MAD1L1: variants seen among roughly 807,000 people sequenced by gnomAD.
The protein encoded by MAD1L1 is mitotic spindle assembly checkpoint protein MAD1.
MAD1L1 carries 95 observed loss-of-function variants against 96.9 expected under a neutral mutation model. The ratio of observed to expected loss-of-function variants is 0.98; its 90% CI spans 0.83 to 1.16. MAD1L1 has a LOEUF of 1.16. MAD1L1 is among the 50% of genes most tolerant of loss of function. The pLI, the probability that MAD1L1 is intolerant of heterozygous loss-of-function variation, is 0.00. For synonymous variants in MAD1L1, 473 were observed against 396.6 expected (o/e 1.19, Z -2.29); for missense variants, 1,007 against 954.4 (o/e 1.06, Z -0.73).
At position 2,037,818 on chromosome 7, in the gene MAD1L1, G is replaced by C. The variant is rs574018277; in HGVS notation, c.1219-23176C>G. Among the ~76,000 whole-genome samples the C allele has an allele frequency of 4.0e-3, 615 of 152,172 alleles. 6 individuals are homozygous for C. The highest frequency in any genetic ancestry group is 0.014 in the African/African-American group (582 of 41,524). Reference sequence around the variant, plus strand: ...TCTCTATTCCCTGGGCGACACAACAGTATTAAAATCAGGCCAATTAATAAC... The same window carrying C: ...TCTCTATTCCCTGGGCGACACAACACTATTAAAATCAGGCCAATTAATAAC... On this transcript the variant is annotated intron_variant, in intron 12 of 18. Transcript: ENST00000265854.
chr7:2,123,969 C>G (rs902597910), intron 11 of MAD1L1, among the ~76,000 whole-genome samples: 1 of 152,178 alleles, frequency 6.6e-6, no homozygotes, highest in East Asian at 1.9e-4. Context: ...CAGCAAGGGG[C>G]GGGGGCTTAG....
At chr7:2,216,768 C>T (rs1244500148) in intron 7 of MAD1L1, among the ~76,000 whole-genome samples, 2 of 152,110 alleles carry the variant, frequency 1.3e-5, no homozygotes, top group Non-Finnish European at 2.9e-5. Context: ...CTAGAAAATA[C>T]CATCCATTAA....
intron 18 of MAD1L1, among the ~76,000 whole-genome samples, chr7:1,871,546 C>G (rs181189179): frequency 0.011 from 1,635 of 149,664 alleles, 44 homozygotes; most frequent in East Asian, 0.1. Flanking sequence ...CAACATATGC[C>G]TGCCACGCTG....
chr7:1,997,092 G>C (rs1304918709), intron 14 of MAD1L1, among the ~76,000 whole-genome samples: 1 of 152,160 alleles, frequency 6.6e-6, no homozygotes, highest in African/African-American at 2.4e-5. Context: ...AACATGAATT[G>C]TACTTATGCT....
intron 14 of MAD1L1, among the ~76,000 whole-genome samples, chr7:1,982,934 G>A (rs562026739): frequency 6.6e-6 from 1 of 151,990 alleles, no homozygotes; most frequent in Non-Finnish European, 1.5e-5. Flanking sequence ...TTTGTCAAAC[G>A]CCCCCATGAA....
chr7:1,890,540 C>A (rs1439544233), intron 18 of MAD1L1, among the ~76,000 whole-genome samples: 1 of 152,198 alleles, frequency 6.6e-6, no homozygotes, highest in Non-Finnish European at 1.5e-5. Flanking sequence ...GAATTGTGAG[C>A]CAAATACACT....
At chr7:1,941,730 G>A (rs765399674) in intron 16 of MAD1L1, among the ~76,000 whole-genome samples, 70 of 152,222 alleles carry the variant, frequency 4.6e-4, no homozygotes, top group Non-Finnish European at 7.8e-4. Flanking sequence ...CCTGGGTCAC[G>A]GAGAGCATTC....
Position 1,816,142 on chromosome 7 carries a change from C to T in MAD1L1, c.2085G>A (p.Arg695=). 2 of 1,613,216 alleles carry T rather than the reference C, an allele frequency of 1.2e-6. No individual in the cohort carries two copies. Among genetic ancestry groups the T allele is most frequent in the Non-Finnish European group, 1.7e-6 (2 of 1,179,882 alleles). ...TVGELIEVHL[R]RQDSIPAFLS... ...GGAAGGCAGGGATGCTGTCCTGGCGCCGCAGGTGCACCTCGATGAGCTCGC... is the reference window on the plus strand; with the variant it reads ...GGAAGGCAGGGATGCTGTCCTGGCGTCGCAGGTGCACCTCGATGAGCTCGC... The change falls in exon 19 of 19, where the codon CGG becomes CGA. Residue 695 remains arginine (R), a synonymous_variant. Coordinates refer to ENST00000265854, the MANE Select transcript of MAD1L1 (RefSeq NM_001013836.2).
At chr7:2,092,535 G>A (rs2128545869) in intron 11 of MAD1L1, among the ~76,000 whole-genome samples, 1 of 152,188 alleles carries the variant, frequency 6.6e-6, no homozygotes. Flanking sequence ...ATCGGTGACT[G>A]TGTTTTCAAC....
intron 11 of MAD1L1, among the ~76,000 whole-genome samples, chr7:2,082,534 G>A (rs1290559046): frequency 5.3e-5 from 8 of 152,198 alleles, no homozygotes; most frequent in Non-Finnish European, 1.5e-5. Context: ...TCTGGCCGGC[G>A]TCGCCGGGTC....
chr7:2,222,073 A>G (rs1025745637), intron 5 of MAD1L1, among the ~76,000 whole-genome samples: 5 of 147,866 alleles, frequency 3.4e-5, no homozygotes, highest in Admixed American at 1.3e-4. Flanking sequence ...AAAAGTGCTT[A>G]ACTTTTTTTT....
At chr7:2,190,764 C>T (rs911540622) in intron 10 of MAD1L1, among the ~76,000 whole-genome samples, 1 of 152,188 alleles carries the variant, frequency 6.6e-6, no homozygotes, top group African/African-American at 2.4e-5. Context: ...ACCGCACACA[C>T]CCACCAGGAT....
At chr7:2,220,656 G>A (rs1381177507) in intron 5 of MAD1L1, among the ~76,000 whole-genome samples, 2 of 152,238 alleles carry the variant, frequency 1.3e-5, no homozygotes, top group South Asian at 2.1e-4. Context: ...CCCTGAGAAC[G>A]TGCCCAGCTT....
intron 11 of MAD1L1, among the ~76,000 whole-genome samples, chr7:2,133,921 AC>A (rs1788634317): frequency 6.6e-6 from 1 of 152,092 alleles, no homozygotes. Context: ...TCAACAGCGC[AC>A]CACCTTGATC....
chr7:2,143,649 T>C (rs1322207466), intron 11 of MAD1L1, among the ~76,000 whole-genome samples: 1 of 151,752 alleles, frequency 6.6e-6, no homozygotes, highest in African/African-American at 2.4e-5. Context: ...CAGCAGTAGA[T>C]GAAACAGGCC....
chr7:1,923,074 T>C (rs1401096591), intron 17 of MAD1L1, among the ~76,000 whole-genome samples: 1 of 152,232 alleles, frequency 6.6e-6, no homozygotes, highest in Non-Finnish European at 1.5e-5. Flanking sequence ...TTGGAGAGTT[T>C]TGGCAAATTG....
chr7:2,135,245 C>A (rs935405647), intron 11 of MAD1L1, among the ~76,000 whole-genome samples: 1 of 152,158 alleles, frequency 6.6e-6, no homozygotes, highest in Non-Finnish European at 1.5e-5. Flanking sequence ...CACACCTGTG[C>A]GGGGCCAGAC....
chr7:2,059,046 G>C (rs1286470980), intron 12 of MAD1L1, among the ~76,000 whole-genome samples: 2 of 122,052 alleles, frequency 1.6e-5, no homozygotes, highest in Non-Finnish European at 3.5e-5. Flanking sequence ...AGGGAGTGTG[G>C]CCAGAGGAGA....
At chr7:2,097,661 G>C (rs1203553370) in intron 11 of MAD1L1, among the ~76,000 whole-genome samples, 1 of 152,250 alleles carries the variant, frequency 6.6e-6, no homozygotes, top group Admixed American at 6.5e-5. Context: ...ACGGGCACCA[G>C]GCCTCTGGAG....
Sources: allele counts gnomAD v4.1 joint callset (sites outside exome capture counted in the v4.1 genomes callset), GRCh38; gene constraint gnomAD v4.1.1; transcripts MANE v1.5; gene names NCBI Gene and HGNC (gene_info 2026-07-23, HGNC 2026-07-21).